Variants in AGBL4 observed in about 807,000 individuals in gnomAD.
AGBL4 encodes AGBL carboxypeptidase 4.
In AGBL4, 58 loss-of-function variants were observed where a neutral mutation model predicts 66.4. That is an observed-to-expected ratio of 0.87 (90% CI 0.71 to 1.09). The LOEUF (loss-of-function observed/expected upper bound fraction) is 1.09. Ranked by LOEUF, AGBL4 falls within the 50% of genes least tolerant of loss-of-function variation. The pLI is 0.00. For synonymous variants in AGBL4, 234 were observed against 222.9 expected, an observed-to-expected ratio of 1.05 and a Z score of -0.44; for missense variants, 579 against 631.0, an observed-to-expected ratio of 0.92 and a Z score of 0.88.
intron 5 of AGBL4, among the ~76,000 whole-genome samples, chr1:48,932,978 A>AT (rs1381953906): frequency 6.6e-6 from 1 of 151,932 alleles, no homozygotes; most frequent in Non-Finnish European, 1.5e-5. Flanking sequence ...AAAAGACTTC[A>AT]TTTTTTTCCT....
At chr1:49,625,826 G>A (rs1032863306) in intron 3 of AGBL4, among the ~76,000 whole-genome samples, 3 of 152,228 alleles carry the variant, frequency 2.0e-5, no homozygotes, top group African/African-American at 4.8e-5. Context: ...TGCTTGGCAG[G>A]GGTAATATAC....
rs75581937 is a variant in AGBL4 at position 49,043,387 on chromosome 1, T to G, written c.594+2197A>C. ...TTTTTCTCACCACTCTCTATGGGAT[T>G]ATCTTAGGCTAACTGTGTACCTTAA... On this transcript the variant is annotated intron_variant, in intron 5 of 13. Coordinates refer to ENST00000371839, the MANE Select transcript of AGBL4 (RefSeq NM_032785.4). Among the ~76,000 whole-genome samples, 1,125 of 152,234 alleles carry G rather than the reference T, an allele frequency of 7.4e-3. 8 individuals are homozygous for G. The highest frequency in any genetic ancestry group is 0.025 in the African/African-American group (1,049 of 41,540).
chr1:48,795,117 G>C (rs967204343), intron 6 of AGBL4, among the ~76,000 whole-genome samples: 1 of 152,030 alleles, frequency 6.6e-6, no homozygotes, highest in Non-Finnish European at 1.5e-5. Context: ...CTATATCCTA[G>C]TTCAATTTTT....
intron 2 of AGBL4, among the ~76,000 whole-genome samples, chr1:49,792,779 G>A (rs1442139986): frequency 6.6e-6 from 1 of 151,898 alleles, no homozygotes; most frequent in African/African-American, 2.4e-5. Flanking sequence ...AAGGGCAATG[G>A]TTCTGGCAAA....
intron 3 of AGBL4, among the ~76,000 whole-genome samples, chr1:49,273,823 G>A (rs536620905): frequency 6.6e-5 from 10 of 152,030 alleles, no homozygotes; most frequent in African/African-American, 1.9e-4. Flanking sequence ...CTACAGGCAC[G>A]TGCCACCATG....
chr1:49,982,311 C>G (rs570925402), intron 1 of AGBL4, among the ~76,000 whole-genome samples: 1 of 152,350 alleles, frequency 6.6e-6, no homozygotes, highest in South Asian at 2.1e-4. Flanking sequence ...GCCCTCTGCC[C>G]TTCTGAGTTG....
At chr1:50,022,614 CCACACACACA>C (rs10588611) in intron 1 of AGBL4, among the ~76,000 whole-genome samples, 5,137 of 141,110 alleles carry the variant, frequency 0.036, 201 homozygotes, top group African/African-American at 0.096. Context: ...TGTACCATAA[CCACACACACA>C]CACACACACA....
intron 5 of AGBL4, among the ~76,000 whole-genome samples, chr1:49,040,859 A>T (rs893073946): frequency 6.6e-6 from 1 of 152,132 alleles, no homozygotes; most frequent in Non-Finnish European, 1.5e-5. Flanking sequence ...ACACAACTCT[A>T]TAAAAATCAT....
At chr1:49,394,714 C>G (rs1309156423) in intron 3 of AGBL4, among the ~76,000 whole-genome samples, 2 of 152,224 alleles carry the variant, frequency 1.3e-5, no homozygotes, top group East Asian at 1.9e-4. Context: ...AACCTTCCCT[C>G]TGCTCCTGCA....
intron 11 of AGBL4, among the ~76,000 whole-genome samples, chr1:48,540,750 T>C (rs1644053317): frequency 6.6e-6 from 1 of 152,172 alleles, no homozygotes; most frequent in East Asian, 1.9e-4. Flanking sequence ...TCACTAACCC[T>C]TCTCCAAGAC....
At chr1:48,959,383 C>A (rs192203891) in intron 5 of AGBL4, among the ~76,000 whole-genome samples, 1 of 152,070 alleles carries the variant, frequency 6.6e-6, no homozygotes, top group Non-Finnish European at 1.5e-5. Context: ...AATAATTAAT[C>A]CAGCAATTAT....
At chr1:49,753,624 G>C (rs1473370906) in intron 2 of AGBL4, among the ~76,000 whole-genome samples, 1 of 152,114 alleles carries the variant, frequency 6.6e-6, no homozygotes, top group Non-Finnish European at 1.5e-5. Context: ...TGTTTTGCTA[G>C]GTTGGGGAAT....
At chr1:48,822,591 G>A (rs998019348) in intron 6 of AGBL4, among the ~76,000 whole-genome samples, 1 of 152,178 alleles carries the variant, frequency 6.6e-6, no homozygotes, top group Non-Finnish European at 1.5e-5. Context: ...TGATCTAAAT[G>A]TATATGTCTT....
intron 4 of AGBL4, among the ~76,000 whole-genome samples, chr1:49,199,074 A>G (rs1211867222): frequency 6.6e-6 from 1 of 152,172 alleles, no homozygotes; most frequent in African/African-American, 2.4e-5. Context: ...CATTGTTAAC[A>G]TTTATTAAGT....
intron 3 of AGBL4, among the ~76,000 whole-genome samples, chr1:49,376,214 C>T (rs968940050): frequency 6.6e-6 from 1 of 152,046 alleles, no homozygotes; most frequent in African/African-American, 2.4e-5. Context: ...CAGTCTGGAA[C>T]ACCTTTATTC....
intron 8 of AGBL4, among the ~76,000 whole-genome samples, chr1:48,635,029 T>A (rs1177735463): frequency 6.6e-6 from 1 of 152,192 alleles, no homozygotes; most frequent in Admixed American, 6.5e-5. Context: ...AAATACACCA[T>A]AACCCAACAC....
At chr1:49,245,667 T>G in intron 4 of AGBL4, 103 bp downstream of exon 4, 1 of 769,566 alleles carries the variant, frequency 1.3e-6, no homozygotes. Flanking sequence ...TAAAAATTTT[T>G]ATTTTTAATT....
intron 3 of AGBL4, among the ~76,000 whole-genome samples, chr1:49,675,878 C>A (rs76461468): frequency 6.6e-6 from 1 of 152,054 alleles, no homozygotes; most frequent in African/African-American, 2.4e-5. Flanking sequence ...TGAAGGAAGG[C>A]AGTGATTTGC....
chr1:48,573,764 T>C (rs1324931076), intron 11 of AGBL4, among the ~76,000 whole-genome samples: 1 of 152,230 alleles, frequency 6.6e-6, no homozygotes, highest in African/African-American at 2.4e-5. Flanking sequence ...CCTAGGAATT[T>C]ATTATTCAGA....
Sources: allele counts gnomAD v4.1 joint callset (sites outside exome capture counted in the v4.1 genomes callset), GRCh38; gene constraint gnomAD v4.1.1; transcripts MANE v1.5; gene names NCBI Gene and HGNC (gene_info 2026-07-23, HGNC 2026-07-21).